Variants in RMND1 observed in about 807,000 individuals in gnomAD.
RMND1 encodes the protein required for meiotic nuclear division 1 homolog.
In RMND1, 41 loss-of-function variants were observed where a neutral mutation model predicts 54.0. The ratio of observed to expected loss-of-function variants is 0.76; its 90% CI spans 0.59 to 0.98. The LOEUF (loss-of-function observed/expected upper bound fraction) is 0.98. Among genes scored for constraint, RMND1 ranks in the 50% least tolerant of loss-of-function variants. The pLI, the probability that RMND1 is intolerant of heterozygous loss-of-function variation, is 0.00. For synonymous variants in RMND1, 183 were observed against 181.7 expected (o/e 1.01, Z -0.06); for missense variants, 457 against 532.0 (o/e 0.86, Z 1.39).
At chr6:151,438,648 A>T (rs890343339) in intron 2 of RMND1, among the ~76,000 whole-genome samples, 4 of 152,144 alleles carry the variant, frequency 2.6e-5, no homozygotes, top group African/African-American at 9.7e-5. Context: ...GACCGAGTGG[A>T]AGATCTGGCT....
At chr6:151,436,700 G>T in intron 2 of RMND1, 146 bp from the exon 3 acceptor site, 1 of 638,920 alleles carries the variant, frequency 1.6e-6, no homozygotes, top group Non-Finnish European at 2.5e-6. Context: ...CAAGGGATGG[G>T]ATGAAGATGA....
intron 2 of RMND1, among the ~76,000 whole-genome samples, chr6:151,443,195 C>T (rs2114968200): frequency 6.6e-6 from 1 of 152,274 alleles, no homozygotes; most frequent in South Asian, 2.1e-4. Context: ...GAAAGTCAGT[C>T]TTTGGTCCTG....
chr6:151,422,645 A>G (rs746861457), intron 7 of RMND1, 40 bp from the exon 8 acceptor site: 2 of 1,001,584 alleles, frequency 2.0e-6, no homozygotes, highest in Non-Finnish European at 3.0e-6. Context: ...CTTTATCATC[A>G]TATTCACATG....
At chr6:151,410,056 C>T (rs1779764082) in intron 10 of RMND1, among the ~76,000 whole-genome samples, 1 of 134,586 alleles carries the variant, frequency 7.4e-6, no homozygotes, top group South Asian at 2.6e-4. Context: ...CTCTTTGTTC[C>T]ATTTTTTTTT....
At chr6:151,412,315 T>C (rs1779869329) in intron 10 of RMND1, among the ~76,000 whole-genome samples, 1 of 145,078 alleles carries the variant, frequency 6.9e-6, no homozygotes, top group African/African-American at 2.7e-5. Context: ...ACTTGCTTTT[T>C]AATTTTTTTT....
chr6:151,447,139 C>G (rs910662894), intron 1 of RMND1, among the ~76,000 whole-genome samples: 1 of 151,950 alleles, frequency 6.6e-6, no homozygotes, highest in African/African-American at 2.4e-5. Flanking sequence ...AGTTAAACAC[C>G]CCAGGCATGG....
At chr6:151,439,457 A>G (rs1191032226) in intron 2 of RMND1, among the ~76,000 whole-genome samples, 1 of 152,144 alleles carries the variant, frequency 6.6e-6, no homozygotes, top group African/African-American at 2.4e-5. Context: ...CCGGATTTAC[A>G]TTTGAGAGCT....
intron 10 of RMND1, among the ~76,000 whole-genome samples, chr6:151,406,368 G>A (rs572311233): frequency 6.6e-6 from 1 of 151,852 alleles, no homozygotes; most frequent in South Asian, 2.1e-4. Context: ...TTTTGTTGTT[G>A]TTGTTGTTTT....
At chr6:151,405,348 T>C (rs1779575490) in intron 11 of RMND1, 81 bp from the exon 12 acceptor site, 2 of 1,301,410 alleles carry the variant, frequency 1.5e-6, no homozygotes, top group South Asian at 1.2e-5. Flanking sequence ...TTGTGATTAA[T>C]GAGAAATGCT....
chr6:151,410,821 A>C (rs1011442632), intron 10 of RMND1, among the ~76,000 whole-genome samples: 2 of 152,198 alleles, frequency 1.3e-5, no homozygotes, highest in African/African-American at 4.8e-5. Flanking sequence ...AACCGTTTTT[A>C]TACATTGATC....
chr6:151,445,940 TC>T, intron 1 of RMND1, 115 bp from the exon 2 acceptor site: 1 of 904,578 alleles, frequency 1.1e-6, no homozygotes, highest in Non-Finnish European at 1.6e-6. Flanking sequence ...ACAGATACAT[TC>T]TAAGTTAATT....
chr6:151,417,275 G>A lies in RMND1; in HGVS notation c.1200+4C>T, dbSNP rs186019987. 260 of 1,604,430 alleles carry A rather than the reference G, an allele frequency of 1.6e-4. No homozygotes were observed. The highest frequency in any genetic ancestry group is 1.1e-3 in the East Asian group (49 of 44,806). Reference sequence around the variant, plus strand: ...TTCTCTCATTAGAAGTGCAAAATACGTACCTTAACTCTTCGGCCAATGCTA... The same window carrying A: ...TTCTCTCATTAGAAGTGCAAAATACATACCTTAACTCTTCGGCCAATGCTA... On this transcript the variant is annotated splice_donor_region_variant and intron_variant, in intron 10 of 11. Coordinates refer to ENST00000444024, the MANE Select transcript of RMND1 (RefSeq NM_017909.4).
intron 10 of RMND1, 86 bp from the exon 11 acceptor site, chr6:151,405,922 A>T: frequency 1.5e-6 from 1 of 653,082 alleles, no homozygotes; most frequent in South Asian, 1.9e-5. Flanking sequence ...ACAGTGAAAA[A>T]TCCTGCTCCT....
In RMND1 at chr6:151,451,219, AC is replaced by A. The variant is rs1423511287; in HGVS notation, c.-15+796del. On this transcript the variant is annotated intron_variant, in intron 1 of 11. Coordinates refer to ENST00000444024, the MANE Select transcript of RMND1 (RefSeq NM_017909.4). ...TCAATAAAAAAAAAAAAAAAAAAAA[AC>A]ACAACCAGCATCCATTCTCTTATCT... Among the ~76,000 whole-genome samples, 8 of 147,028 alleles carry A rather than the reference AC, an allele frequency of 5.4e-5. No individual in the cohort carries two copies. In the South Asian group the frequency reaches 8.6e-4, roughly 16 times the overall value.
chr6:151,406,264 A>C (rs1267749755), intron 10 of RMND1, among the ~76,000 whole-genome samples: 1 of 152,230 alleles, frequency 6.6e-6, no homozygotes, highest in Non-Finnish European at 1.5e-5. Context: ...GAACTGCAAC[A>C]GTTCTGCATT....
rs1164683001 is a variant in RMND1, at chr6:151,405,740, C to T, written c.1297G>A (p.Val433Ile). The T allele has an allele frequency of 6.4e-7, 1 of 1,560,672 alleles. No individual in the cohort carries two copies. Among genetic ancestry groups the T allele is most frequent in the South Asian group, 1.1e-5 (1 of 89,978 alleles). ...CTTACCTCTATGGTAATGAGGATGA[C>T]AATCATCCACTCCAAGCGGAGTGCC... ...KRALRLEWMIVILITIEVMFE... is the reference protein window; with the variant it reads ...KRALRLEWMIIILITIEVMFE... Residue 433 changes from valine (V) to isoleucine (I), a missense_variant, in exon 11 of 12, where the codon GTC becomes ATC. Physicochemically the swap from Val to Ile is conservative, Grantham distance 29 (BLOSUM62 3). Coordinates refer to ENST00000444024, the MANE Select transcript of RMND1 (RefSeq NM_017909.4).
intron 7 of RMND1, 34 bp downstream of exon 7, chr6:151,423,491 G>T: frequency 1.5e-6 from 2 of 1,339,240 alleles, no homozygotes; most frequent in Non-Finnish European, 2.2e-6. Context: ...AATGACAACT[G>T]TAGTACCCTA....
At chr6:151,413,999 A>G (rs755858696) in intron 10 of RMND1, 8 of 152,254 alleles carry the variant, frequency 5.3e-5, no homozygotes, top group Non-Finnish European at 1.0e-4. Context: ...GAGGAAAAAA[A>G]TGTAGACACT....
rs149101604 is a variant in RMND1, at chr6:151,434,814, T to C, written c.614-1584A>G. Among the ~76,000 whole-genome samples the C allele has an allele frequency of 7.2e-5, 11 of 152,352 alleles. No individual in the cohort carries two copies. In the East Asian group the frequency reaches 1.9e-3, roughly 27 times the overall value. The stretch of plus-strand genomic sequence containing the variant: ...AAATGTTCTGGGTATTGAGCTATCC[T>C]GAGTTTCACTGTAAAAGTTTATCAA... On this transcript the variant is annotated intron_variant, in intron 3 of 11. Transcript: ENST00000444024.
Sources: allele counts gnomAD v4.1 joint callset (sites outside exome capture counted in the v4.1 genomes callset), GRCh38; gene constraint gnomAD v4.1.1; transcripts MANE v1.5; gene names NCBI Gene and HGNC (gene_info 2026-07-23, HGNC 2026-07-21).